Variants in RAD18 observed in about 807,000 individuals in gnomAD.
RAD18 encodes RAD18 E3 ubiquitin protein ligase.
A neutral mutation model predicts 60.4 loss-of-function variants in RAD18; 47 were observed. The ratio of observed to expected loss-of-function variants is 0.78; its 90% confidence interval spans 0.62 to 0.99. RAD18 has a LOEUF of 0.99. RAD18 is among the 50% of genes least tolerant of loss of function. The pLI is 0.00. For synonymous variants in RAD18, 225 were observed against 195.5 expected, an observed-to-expected ratio of 1.15 and a Z score of -1.26; for missense variants, 640 against 593.3, an observed-to-expected ratio of 1.08 and a Z score of -0.82.
intron 9 of RAD18, among the ~76,000 whole-genome samples, chr3:8,908,119 T>A (rs341781): frequency 6.6e-6 from 1 of 152,052 alleles, no homozygotes; most frequent in South Asian, 2.1e-4. Flanking sequence ...ACCTCTCTCT[T>A]TCCTTTGGGT....
chr3:8,877,956 T>C lies in RAD18; in HGVS notation c.*3401A>G, dbSNP rs1020057886. On this transcript the variant is annotated 3_prime_UTR_variant, in exon 13 of 13. Transcript: ENST00000264926. ...CAGGAAAGCACACTCCCATTTCCAC[T>C]TGGAACACAGCAAGGCCAAGAGACT... 6.6e-6 allele frequency: 1 copy of C among 152,264 alleles called. No homozygotes were observed. Among genetic ancestry groups the C allele is most frequent in the Non-Finnish European group, 1.5e-5 (1 of 68,080 alleles). The allele number at this position is 152,264 out of a possible 1,614,324, so 9.4% of individuals were successfully genotyped here.
intron 11 of RAD18, among the ~76,000 whole-genome samples, chr3:8,893,245 C>T (rs568947217): frequency 8.5e-5 from 13 of 152,158 alleles, no homozygotes; most frequent in Admixed American, 2.0e-4. Context: ...TAGGAAAAAA[C>T]GCAAACATCT....
chr3:8,900,723 T>C (rs183783160), intron 10 of RAD18, among the ~76,000 whole-genome samples: 1 of 152,284 alleles, frequency 6.6e-6, no homozygotes, highest in Non-Finnish European at 1.5e-5. Flanking sequence ...AGAGCAACAA[T>C]TATATTGGTT....
intron 1 of RAD18, among the ~76,000 whole-genome samples, chr3:8,960,213 G>T (rs1208586480): frequency 6.6e-6 from 1 of 152,124 alleles, no homozygotes; most frequent in African/African-American, 2.4e-5. Context: ...AGGCTGAGGC[G>T]GAAGGATTGC....
intron 5 of RAD18, among the ~76,000 whole-genome samples, chr3:8,940,006 T>C (rs76668834): frequency 5.3e-5 from 8 of 152,334 alleles, no homozygotes; most frequent in African/African-American, 1.4e-4. Context: ...TTAGGAGCTA[T>C]CCATGTTTAG....
chr3:8,920,546 C>G (rs369251670), intron 7 of RAD18, among the ~76,000 whole-genome samples: 4 of 152,018 alleles, frequency 2.6e-5, no homozygotes, highest in African/African-American at 9.7e-5. Context: ...AGCAAGGCAG[C>G]GGATGTAAAG....
chr3:8,931,178 G>T (rs973974695), intron 7 of RAD18, among the ~76,000 whole-genome samples: 2 of 152,028 alleles, frequency 1.3e-5, no homozygotes, highest in African/African-American at 2.4e-5. Flanking sequence ...TAGTATACAA[G>T]TAAATATACA....
chr3:8,881,062 CCAAAT>C lies in RAD18; in HGVS notation c.*290_*294del. 3.8e-6 allele frequency: 1 copy of C among 266,480 alleles called. No individual in the cohort carries two copies. 16.5% of individuals were successfully genotyped at this position (266,480 alleles called of 1,614,324 possible). A position where few individuals can be genotyped will look rare whatever the true frequency, so the allele number is the denominator to read the frequency against. On this transcript the variant is annotated 3_prime_UTR_variant, in exon 13 of 13. Transcript: ENST00000264926. Reference sequence around the variant, plus strand: ...AATTATCAAACCAAACCAAACCAAACCAAATCCCTGTGCCAAAGTGCCAAAGAGTC... The same window carrying C: ...AATTATCAAACCAAACCAAACCAAACCCCTGTGCCAAAGTGCCAAAGAGTC...
chr3:8,962,766 C>G (rs9880051), intron 1 of RAD18, among the ~76,000 whole-genome samples: 1 of 152,156 alleles, frequency 6.6e-6, no homozygotes, highest in Non-Finnish European at 1.5e-5. Flanking sequence ...CAGCGCTGAG[C>G]CTGAGTCCTG....
At chr3:8,900,680 T>C (rs1164951860) in intron 10 of RAD18, among the ~76,000 whole-genome samples, 1 of 152,186 alleles carries the variant, frequency 6.6e-6, no homozygotes, top group Non-Finnish European at 1.5e-5. Flanking sequence ...AATATGCAAC[T>C]TGTTCACTTA....
intron 7 of RAD18, among the ~76,000 whole-genome samples, chr3:8,918,755 A>T (rs1940256834): frequency 6.6e-6 from 1 of 152,216 alleles, no homozygotes; most frequent in Non-Finnish European, 1.5e-5. Context: ...TACTTGACCT[A>T]CCCAAGCAAA....
At chr3:8,919,775 G>A (rs1940281488) in intron 7 of RAD18, among the ~76,000 whole-genome samples, 1 of 152,194 alleles carries the variant, frequency 6.6e-6, no homozygotes, top group Admixed American at 6.5e-5. Flanking sequence ...TTTCAGGGCT[G>A]GGGCATGGAA....
At chr3:8,915,622 C>T (rs1168644020) in intron 7 of RAD18, among the ~76,000 whole-genome samples, 4 of 148,208 alleles carry the variant, frequency 2.7e-5, no homozygotes, top group Non-Finnish European at 5.9e-5. Flanking sequence ...CTCGCTCTGT[C>T]ACCCAGGACG....
chr3:8,913,036 GAAA>G (rs34152590), intron 8 of RAD18, among the ~76,000 whole-genome samples: 44 of 150,268 alleles, frequency 2.9e-4, no homozygotes, highest in Non-Finnish European at 4.0e-4. Context: ...AAATGGCCTA[GAAA>G]AAAAAAAAGT....
chr3:8,941,799 T>C lies in RAD18; in HGVS notation c.272A>G (p.His91Arg), dbSNP rs763138545. 2 of 1,608,558 alleles carry C rather than the reference T, an allele frequency of 1.2e-6. No individual in the cohort carries two copies. Among genetic ancestry groups the C allele is most frequent in the East Asian group, 2.2e-5 (1 of 44,820 alleles). The part of the protein sequence containing the change: ...LVKSLNFARN[H>R]LLQFALESPA... ...TGACTCTAAAGCAAACTGCAGCAGATGATTCCTTGAAGCACAAAGAACACA... is the reference window on the plus strand; with the variant it reads ...TGACTCTAAAGCAAACTGCAGCAGACGATTCCTTGAAGCACAAAGAACACA... The change falls in exon 5 of 13, where the codon CAT becomes CGT. Residue 91 changes from histidine (H) to arginine (R), a missense_variant. Coordinates refer to ENST00000264926, the MANE Select transcript of RAD18 (RefSeq NM_020165.4).
chr3:8,886,248 A>G (rs966406576), intron 12 of RAD18, among the ~76,000 whole-genome samples: 3 of 152,166 alleles, frequency 2.0e-5, no homozygotes, highest in African/African-American at 7.2e-5. Context: ...TGTCAGTCCT[A>G]TGATCTCTAT....
intron 12 of RAD18, among the ~76,000 whole-genome samples, chr3:8,889,556 G>A (rs1939645913): frequency 6.6e-6 from 1 of 152,164 alleles, no homozygotes; most frequent in African/African-American, 2.4e-5. Context: ...AAGAACTTGA[G>A]CTGCTGAGTA....
intron 1 of RAD18, 37 bp downstream of exon 1, chr3:8,963,298 G>T: frequency 6.3e-7 from 1 of 1,580,020 alleles, no homozygotes; most frequent in South Asian, 1.1e-5. Context: ...TCCCCCCGCA[G>T]ACACCCGGGA....
intron 7 of RAD18, among the ~76,000 whole-genome samples, chr3:8,933,630 C>T (rs1427960194): frequency 6.6e-6 from 1 of 152,136 alleles, no homozygotes; most frequent in East Asian, 1.9e-4. Flanking sequence ...CAGAGAATAA[C>T]TCTTTAAAAA....
Sources: gnomAD v4.1 joint callset for allele counts (sites outside exome capture counted in the v4.1 genomes callset) on GRCh38, gnomAD v4.1.1 for gene constraint, MANE v1.5 for transcripts, NCBI Gene and HGNC (gene_info 2026-07-23, HGNC 2026-07-21) for gene names.